The following MGAT4C variants were observed in gnomAD, a reference collection of about 807,000 sequenced individuals.
The protein encoded by MGAT4C is alpha-1,3-mannosyl-glycoprotein 4-beta-N-acetylglucosaminyltransferase C.
Under a neutral mutation model 40.1 loss-of-function variants are expected in MGAT4C, and 19 were observed. The observed-to-expected ratio is 0.47, with a 90% CI of 0.33 to 0.70. The LOEUF is 0.70. MGAT4C is among the 30% of genes least tolerant of loss of function. The probability of loss-of-function intolerance (pLI) is 0.02; values close to 1 mark genes in which losing one functional copy is unlikely to be tolerated. For missense variants in MGAT4C, 491 were observed against 563.2 expected (o/e 0.87, Z 1.30); for synonymous variants, 181 against 187.1 (o/e 0.97, Z 0.27).
chr12:86,307,332 C>G (rs1331718139), intron 4 of MGAT4C, among the ~76,000 whole-genome samples: 2 of 150,260 alleles, frequency 1.3e-5, no homozygotes, highest in Non-Finnish European at 2.9e-5. Context: ...CTATTTATTT[C>G]TACATTGCTA....
At chr12:86,086,485 T>C (rs759552044) in intron 1 of MGAT4C, among the ~76,000 whole-genome samples, 3 of 152,052 alleles carry the variant, frequency 2.0e-5, no homozygotes, top group Admixed American at 6.6e-5. Context: ...TGTATACCTA[T>C]GTAACAAACC....
chr12:86,445,704 C>T (rs182139517), intron 2 of MGAT4C, among the ~76,000 whole-genome samples: 5 of 152,180 alleles, frequency 3.3e-5, no homozygotes, highest in African/African-American at 1.2e-4. Context: ...TAAAATATAT[C>T]AATGAGAATG....
chr12:86,169,598 G>C (rs982270338), intron 1 of MGAT4C, among the ~76,000 whole-genome samples: 20 of 152,098 alleles, frequency 1.3e-4, no homozygotes, highest in Admixed American at 4.6e-4. Context: ...CATTGGTGTA[G>C]TTTCATTATT....
chr12:86,035,323 A>G (rs1331447310), intron 2 of MGAT4C, among the ~76,000 whole-genome samples: 1 of 150,210 alleles, frequency 6.7e-6, no homozygotes, highest in Non-Finnish European at 1.5e-5. Context: ...CATTTCTCTA[A>G]TGACCACTGA....
At chr12:86,227,923 G>T (rs1408562596) in intron 1 of MGAT4C, among the ~76,000 whole-genome samples, 1 of 151,868 alleles carries the variant, frequency 6.6e-6, no homozygotes, top group Admixed American at 6.6e-5. Context: ...TCAGGCTAGA[G>T]TTTCCTGTTC....
chr12:86,611,242 A>C (rs1163456548), intron 2 of MGAT4C, among the ~76,000 whole-genome samples: 1 of 152,096 alleles, frequency 6.6e-6, no homozygotes, highest in Admixed American at 6.6e-5. Flanking sequence ...ATTTTGAAAT[A>C]ATTGTTATTC....
chr12:86,774,622 G>C (rs928569531), intron 1 of MGAT4C, among the ~76,000 whole-genome samples: 14 of 151,960 alleles, frequency 9.2e-5, no homozygotes, highest in African/African-American at 3.4e-4. Context: ...AGTGCAGTTT[G>C]TATATAAAAT....
intron 4 of MGAT4C, among the ~76,000 whole-genome samples, chr12:86,292,896 C>T (rs1415715149): frequency 6.6e-6 from 1 of 150,582 alleles, no homozygotes; most frequent in East Asian, 2.0e-4. Flanking sequence ...AGGCAATTTA[C>T]TAATGGGATT....
chr12:86,688,292 T>G (rs1034989980), intron 2 of MGAT4C, among the ~76,000 whole-genome samples: 1 of 152,044 alleles, frequency 6.6e-6, no homozygotes, highest in Non-Finnish European at 1.5e-5. Context: ...GTCTTGTCTC[T>G]TTATCCAATT....
rs181680998 is a variant in MGAT4C at position 86,330,034 on chromosome 12, G to A, written c.-57+4031C>T. 2.6e-5 allele frequency among the ~76,000 whole-genome samples: 4 copies of A among 152,264 alleles called. No homozygotes were observed. In the South Asian group the frequency reaches 6.2e-4, roughly 24 times the overall value. On this transcript the variant is annotated intron_variant, in intron 4 of 7. Transcript: ENST00000548651. ...ATGTATTCCATGTCATAGGACACAG[G>A]AAATGCTACCTACAAATATAGACTT...
At chr12:86,051,835 T>G (rs918555227) in intron 1 of MGAT4C, among the ~76,000 whole-genome samples, 5 of 151,364 alleles carry the variant, frequency 3.3e-5, no homozygotes, top group Admixed American at 2.0e-4. Flanking sequence ...TGTGTGACTG[T>G]CTCCTTTCTG....
At chr12:86,787,068 T>A (rs1459697411) in intron 1 of MGAT4C, among the ~76,000 whole-genome samples, 1 of 152,144 alleles carries the variant, frequency 6.6e-6, no homozygotes, top group Non-Finnish European at 1.5e-5. Flanking sequence ...ATATATTACA[T>A]AGTGGTAAAG....
At chr12:86,832,700 A>G (rs1952955316) in intron 1 of MGAT4C, among the ~76,000 whole-genome samples, 1 of 151,786 alleles carries the variant, frequency 6.6e-6, no homozygotes, top group African/African-American at 2.4e-5. Flanking sequence ...TAGTATGGTG[A>G]TTAAATGTGA....
In MGAT4C at chr12:86,437,869, G is replaced by A. The variant is rs145972020; in HGVS notation, c.-228-2604C>T. Among the ~76,000 whole-genome samples the A allele has an allele frequency of 1.6e-3, 250 of 151,866 alleles. 2 individuals are homozygous for A. Among genetic ancestry groups the A allele is most frequent in the African/African-American group, 5.8e-3 (239 of 41,494 alleles). On this transcript the variant is annotated intron_variant, in intron 2 of 7. Transcript: ENST00000548651. ...AAATGTTGTGCATGTTCAGACTACC[G>A]CACTGACCAGCTGTTACTCATCTTT...
intron 1 of MGAT4C, among the ~76,000 whole-genome samples, chr12:86,794,738 G>A (rs184905194): frequency 6.6e-6 from 1 of 151,926 alleles, no homozygotes; most frequent in Admixed American, 6.6e-5. Context: ...TTGTTCAGAA[G>A]TTAAAGCAAA....
chr12:86,060,836 C>T (rs1893886484), intron 1 of MGAT4C, among the ~76,000 whole-genome samples: 1 of 152,082 alleles, frequency 6.6e-6, no homozygotes, highest in Admixed American at 6.6e-5. Context: ...GGTGGGCAGA[C>T]ATTTCTTGGT....
chr12:86,671,634 A>G (rs1192004257), intron 2 of MGAT4C, among the ~76,000 whole-genome samples: 1 of 152,204 alleles, frequency 6.6e-6, no homozygotes, highest in Non-Finnish European at 1.5e-5. Context: ...GGGAGACCAA[A>G]AAGAGCAGGA....
At position 86,711,356 on chromosome 12, in the gene MGAT4C, G is replaced by A. The variant is rs115256457; in HGVS notation, c.-229+15853C>T. 4.9e-3 allele frequency among the ~76,000 whole-genome samples: 739 copies of A among 152,104 alleles called. 4 individuals are homozygous for A. Among genetic ancestry groups the A allele is most frequent in the African/African-American group, 0.017 (718 of 41,496 alleles). On this transcript the variant is annotated intron_variant, in intron 2 of 7. Transcript: ENST00000548651. ...CTTAGCTGCCAGTACCAGGAGCTGGGGAAGGGCTAAAGTTGAACATTAGGA... is the reference window on the plus strand; with the variant it reads ...CTTAGCTGCCAGTACCAGGAGCTGGAGAAGGGCTAAAGTTGAACATTAGGA...
Position 86,069,073 on chromosome 12 carries a change from C to T in MGAT4C, c.-56-19350G>A, listed in dbSNP as rs148447225. ...TAAAGCAGATTGTCTCCTGCTGCTG[C>T]GGTGCCCTCAGGGATGAAAACAGTC... On this transcript the variant is annotated intron_variant, in intron 1 of 4. Coordinates refer to ENST00000611864, the MANE Select transcript of MGAT4C (RefSeq NM_001351288.2). 2.6e-4 allele frequency among the ~76,000 whole-genome samples: 40 copies of T among 152,210 alleles called. No individual in the cohort carries two copies. In the Middle Eastern group the frequency reaches 0.01, roughly 39 times the overall value.
Sources: gnomAD v4.1 joint callset for allele counts (sites outside exome capture counted in the v4.1 genomes callset) on GRCh38, gnomAD v4.1.1 for gene constraint, MANE v1.5 for transcripts, NCBI Gene and HGNC (gene_info 2026-07-23, HGNC 2026-07-21) for gene names.